RAB3GAP2: variants seen among roughly 807,000 people sequenced by gnomAD.
The protein encoded by RAB3GAP2 is rab3 GTPase-activating protein non-catalytic subunit.
In RAB3GAP2, 87 loss-of-function variants were observed where a neutral mutation model predicts 185.3. The ratio of observed to expected loss-of-function variants is 0.47; its 90% CI spans 0.39 to 0.56. The LOEUF (loss-of-function observed/expected upper bound fraction) is 0.56, where lower values mean the gene tolerates loss of function less well. RAB3GAP2 is among the 20% of genes least tolerant of loss of function. The probability of loss-of-function intolerance (pLI) is 0.00; values close to 1 mark genes in which losing one functional copy is unlikely to be tolerated. For missense variants in RAB3GAP2, 1,492 were observed against 1,638.2 expected (o/e 0.91, Z 1.54); for synonymous variants, 554 against 576.1 (o/e 0.96, Z 0.55).
At chr1:220,173,891 G>A (rs1293779514) in intron 21 of RAB3GAP2, among the ~76,000 whole-genome samples, 1 of 151,706 alleles carries the variant, frequency 6.6e-6, no homozygotes, top group Non-Finnish European at 1.5e-5. Context: ...GGGGTGGCAG[G>A]TGCCTATAGT....
intron 7 of RAB3GAP2, among the ~76,000 whole-genome samples, chr1:220,206,581 G>A (rs1658971993): frequency 6.6e-6 from 1 of 152,014 alleles, no homozygotes; most frequent in Non-Finnish European, 1.5e-5. Flanking sequence ...TTCCACTCTT[G>A]CTCTCTACAA....
At chr1:220,179,100 AC>A (rs1359503696) in intron 21 of RAB3GAP2, among the ~76,000 whole-genome samples, 2 of 152,120 alleles carry the variant, frequency 1.3e-5, no homozygotes, top group Admixed American at 1.3e-4. Flanking sequence ...CCTATATCAG[AC>A]AGAATAGACT....
intron 1 of RAB3GAP2, chr1:220,253,656 G>C: frequency 6.3e-7 from 1 of 1,597,302 alleles, no homozygotes; most frequent in South Asian, 1.1e-5. Flanking sequence ...ATGAAGCAAA[G>C]TGTGTAAAGG....
chr1:220,255,313 C>A (rs1660015888), intron 1 of RAB3GAP2, among the ~76,000 whole-genome samples: 1 of 151,908 alleles, frequency 6.6e-6, no homozygotes, highest in Non-Finnish European at 1.5e-5. Flanking sequence ...TAGATAGCCC[C>A]CAAAGATGAG....
chr1:220,223,188 A>C (rs1242812715), intron 2 of RAB3GAP2, among the ~76,000 whole-genome samples: 1 of 152,136 alleles, frequency 6.6e-6, no homozygotes, highest in Non-Finnish European at 1.5e-5. Flanking sequence ...GTGGGACTAT[A>C]GGCAGGCACA....
intron 28 of RAB3GAP2, 108 bp from the exon 29 acceptor site, chr1:220,159,529 T>TA: frequency 1.2e-6 from 1 of 814,050 alleles, no homozygotes; most frequent in Non-Finnish European, 2.0e-6. Context: ...TAAATGGCGC[T>TA]ATAAGTAAAT....
rs1383030187 is a variant in RAB3GAP2, at chr1:220,151,383, A to T, written c.4050T>A (p.Thr1350=). 6.2e-7 allele frequency: 1 copy of T among 1,614,082 alleles called. No homozygotes were observed. Among genetic ancestry groups the T allele is most frequent in the African/African-American group, 1.3e-5 (1 of 74,932 alleles). ...TAGCTGTTGTTGCAATTGGCACTTC[A>T]GTGTTTTGAAGGTCCTGGGGGTCCT... ...KAMDPQDLQN[T]EVPIATTAKL... Residue 1350 remains threonine (T), a synonymous_variant, in exon 35 of 35, where the codon ACT becomes ACA. Transcript: ENST00000358951.
At chr1:220,193,458 T>C (rs1242498952) in intron 12 of RAB3GAP2, 79 bp from the exon 13 acceptor site, 2 of 1,326,424 alleles carry the variant, frequency 1.5e-6, no homozygotes, top group South Asian at 1.3e-5. Flanking sequence ...AATGCATAAA[T>C]GAAATAGGCT....
intron 1 of RAB3GAP2, chr1:220,267,456 T>C: frequency 7.2e-7 from 1 of 1,393,454 alleles, no homozygotes; most frequent in Non-Finnish European, 1.0e-6. Flanking sequence ...TAAACTTGCT[T>C]TGTTTTTCTC....
Position 220,171,072 on chromosome 1 carries a change from A to G in RAB3GAP2, c.2626T>C (p.Trp876Arg). 1.7e-5 allele frequency: 28 copies of G among 1,614,192 alleles called. No individual in the cohort carries two copies. Among genetic ancestry groups the G allele is most frequent in the Non-Finnish European group, 2.4e-5 (28 of 1,179,998 alleles). The change falls in exon 24 of 35, where the codon TGG becomes CGG. Residue 876 changes from tryptophan to arginine, a missense_variant. This residue lies in a region of RAB3GAP2 where 681 missense variants were observed against 689.1 expected (regional missense o/e 0.99). Coordinates refer to ENST00000358951, the MANE Select transcript of RAB3GAP2 (RefSeq NM_012414.4). Reference sequence around the variant, plus strand: ...TCAGTGTCAAGAGAAAGTGCCTCCCAGGAATCAGTGAGGGCCTCTGAATCA... The same window carrying G: ...TCAGTGTCAAGAGAAAGTGCCTCCCGGGAATCAGTGAGGGCCTCTGAATCA... ...GADSEALTDS[W>R]EALSLDTEYW...
intron 7 of RAB3GAP2, among the ~76,000 whole-genome samples, chr1:220,207,467 C>A (rs752848869): frequency 5.9e-5 from 9 of 152,188 alleles, no homozygotes; most frequent in African/African-American, 2.2e-4. Flanking sequence ...GGGCCAATTT[C>A]TTCTCTTGAA....
rs189272104 is a variant in RAB3GAP2 at position 220,252,838 on chromosome 1, G to A, written c.115+19385C>T. Among the ~76,000 whole-genome samples the A allele has an allele frequency of 2.2e-4, 33 of 152,240 alleles. No individual in the cohort carries two copies. In the East Asian group the frequency reaches 6.0e-3, roughly 28 times the overall value. On this transcript the variant is annotated intron_variant, in intron 1 of 34. Transcript: ENST00000358951. The stretch of plus-strand genomic sequence containing the variant: ...AGTTTTACATACTACAGCTGGGATC[G>A]CTGGCAAGGCAGGAAATCTGTCTGT...
chr1:220,233,589 T>C (rs1195434687), intron 1 of RAB3GAP2, among the ~76,000 whole-genome samples: 1 of 152,232 alleles, frequency 6.6e-6, no homozygotes, highest in Admixed American at 6.5e-5. Flanking sequence ...TGAGATACTT[T>C]GTATGCATTA....
At position 220,239,224 on chromosome 1, in the gene RAB3GAP2, CT is replaced by C. The variant is rs975031582; in HGVS notation, c.116-6362del. ...GATCCAAACCATCTTTTTCAAACAA[CT>C]TTTTTTTTGTGGGGCTCAGGGGAGG... On this transcript the variant is annotated intron_variant, in intron 1 of 34. Transcript: ENST00000358951. Among the ~76,000 whole-genome samples the C allele has an allele frequency of 9.9e-5, 15 of 151,430 alleles. No homozygotes were observed. The East Asian group carries it at 1.7e-3, about 18-fold the overall frequency.
In RAB3GAP2 at chr1:220,171,969, T is replaced by C. The variant is rs1404982459; in HGVS notation, c.2497A>G (p.Asn833Asp). The C allele has an allele frequency of 3.7e-6, 6 of 1,614,068 alleles. No individual in the cohort carries two copies. Among genetic ancestry groups the C allele is most frequent in the Non-Finnish European group, 5.1e-6 (6 of 1,180,036 alleles). ...GCAGACAACAGAGCGGCTCCATTGT[T>C]CTCAGACTGAATACAGGCTGTGCGC... ...QMRTACIQSE[N>D]NGAALLSAHV... Residue 833 changes from asparagine to aspartate, a missense_variant, in exon 23 of 35, where the codon AAC becomes GAC. Around this residue, in one of 5 missense-constraint regions of RAB3GAP2, gnomAD observed 681 missense variants for 689.1 expected, o/e 0.99. Coordinates refer to ENST00000358951, the MANE Select transcript of RAB3GAP2 (RefSeq NM_012414.4).
At chr1:220,212,014 G>C (rs1228062994) in intron 4 of RAB3GAP2, among the ~76,000 whole-genome samples, 1 of 152,134 alleles carries the variant, frequency 6.6e-6, no homozygotes. Flanking sequence ...TACTCATTCT[G>C]ATCAGACAGT....
At chr1:220,264,332 G>C (rs1000417397) in intron 1 of RAB3GAP2, among the ~76,000 whole-genome samples, 1 of 151,920 alleles carries the variant, frequency 6.6e-6, no homozygotes, top group Non-Finnish European at 1.5e-5. Flanking sequence ...TAAACAAAAA[G>C]TAAAATTTGG....
At chr1:220,214,381 C>T (rs564930349) in intron 2 of RAB3GAP2, among the ~76,000 whole-genome samples, 1 of 152,162 alleles carries the variant, frequency 6.6e-6, no homozygotes, top group South Asian at 2.1e-4. Flanking sequence ...CAAAAATTAG[C>T]CAGGTGTGGC....
chr1:220,223,637 G>C (rs1297233420), intron 2 of RAB3GAP2, among the ~76,000 whole-genome samples: 1 of 151,658 alleles, frequency 6.6e-6, no homozygotes, highest in Non-Finnish European at 1.5e-5. Context: ...ATCTCTCACA[G>C]TCTTGTTTCC....
Sources: allele counts gnomAD v4.1 joint callset (sites outside exome capture counted in the v4.1 genomes callset), GRCh38; gene constraint gnomAD v4.1.1; regional missense constraint gnomAD v4.1.1; transcripts MANE v1.5; gene names NCBI Gene and HGNC (gene_info 2026-07-23, HGNC 2026-07-21).